The following TGFBR3 variants were observed in gnomAD, a reference collection of about 807,000 sequenced individuals.
The protein encoded by TGFBR3 is transforming growth factor beta receptor type 3.
In TGFBR3, 46 loss-of-function variants were observed where a neutral mutation model predicts 87.9. That is an observed-to-expected ratio of 0.52 (90% confidence interval 0.41 to 0.67). The LOEUF (loss-of-function observed/expected upper bound fraction) is 0.67. Among genes scored for constraint, TGFBR3 ranks in the 30% least tolerant of loss-of-function variants. The probability of loss-of-function intolerance (pLI) is 0.00; values close to 1 mark genes in which losing one functional copy is unlikely to be tolerated. For synonymous variants in TGFBR3, 381 were observed against 391.6 expected, an observed-to-expected ratio of 0.97 and a Z score of 0.32; for missense variants, 866 against 1,041.9, an observed-to-expected ratio of 0.83 and a Z score of 2.32.
At chr1:91,877,701 G>A (rs572267987) in intron 1 of TGFBR3, among the ~76,000 whole-genome samples, 1 of 152,280 alleles carries the variant, frequency 6.6e-6, no homozygotes, top group South Asian at 2.1e-4. Flanking sequence ...CCTAGCTCCT[G>A]TGTCAAAAAC....
At chr1:91,866,931 A>T (rs1023305788) in intron 1 of TGFBR3, 3 of 152,244 alleles carry the variant, frequency 2.0e-5, no homozygotes, top group African/African-American at 7.2e-5. Context: ...GATTTCCCTC[A>T]CGCTGTACAG....
chr1:91,767,003 G>C lies in TGFBR3; in HGVS notation c.247-8253C>G, dbSNP rs1321701457. ...AAACTCCAACCCCAAACTCCTGTGG[G>C]AGATGGATTTGAGTTTTCCCCCAGT... On this transcript the variant is annotated intron_variant, in intron 3 of 16. Coordinates refer to ENST00000212355, the MANE Select transcript of TGFBR3 (RefSeq NM_003243.5). Among the ~76,000 whole-genome samples the C allele has an allele frequency of 2.2e-5, 3 of 133,576 alleles. 1 individual carries two copies. The highest frequency in any genetic ancestry group is 8.5e-5 in the African/African-American group (3 of 35,482). The allele number at this position is 133,576 out of a possible 152,430, so 87.6% of individuals were successfully genotyped here.
rs55667079 is a variant in TGFBR3, at chr1:91,681,114, T to C, written c.*2625A>G. The stretch of plus-strand genomic sequence containing the variant: ...AAGACTGCAGATACAAGAGTTCAGC[T>C]GAAATACAACAATACTTTTAAAGAA... On this transcript the variant is annotated 3_prime_UTR_variant, in exon 17 of 17. Coordinates refer to ENST00000212355, the MANE Select transcript of TGFBR3 (RefSeq NM_003243.5). The C allele has an allele frequency of 5.9e-5, 27 of 454,138 alleles. No individual in the cohort carries two copies. Among genetic ancestry groups the C allele is most frequent in the Non-Finnish European group, 1.1e-4 (25 of 226,794 alleles). 28.1% of individuals were successfully genotyped at this position (454,138 alleles called of 1,614,324 possible). A position where few individuals can be genotyped will look rare whatever the true frequency, so the allele number is the denominator to read the frequency against.
intron 4 of TGFBR3, among the ~76,000 whole-genome samples, chr1:91,737,447 C>A (rs182197440): frequency 1.7e-4 from 26 of 152,290 alleles, no homozygotes; most frequent in Admixed American, 5.2e-4. Flanking sequence ...CTCAGAGAGT[C>A]TAATGGCCTA....
intron 3 of TGFBR3, among the ~76,000 whole-genome samples, chr1:91,779,021 G>A (rs1380021499): frequency 1.3e-5 from 2 of 152,140 alleles, no homozygotes; most frequent in African/African-American, 4.8e-5. Flanking sequence ...AGGACAGGAG[G>A]CAAGATGTCA....
At chr1:91,746,790 G>T (rs12121039) in intron 4 of TGFBR3, among the ~76,000 whole-genome samples, 1 of 151,876 alleles carries the variant, frequency 6.6e-6, no homozygotes, top group Non-Finnish European at 1.5e-5. Flanking sequence ...AATTGAAGCT[G>T]ACAGAAGCTA....
At chr1:91,706,524 G>T (rs887709954) in intron 14 of TGFBR3, among the ~76,000 whole-genome samples, 1 of 152,170 alleles carries the variant, frequency 6.6e-6, no homozygotes, top group African/African-American at 2.4e-5. Flanking sequence ...CTAAAAAGGG[G>T]AGGAACCCTA....
chr1:91,795,231 G>A (rs1675333847), intron 3 of TGFBR3, among the ~76,000 whole-genome samples: 1 of 152,214 alleles, frequency 6.6e-6, no homozygotes, highest in South Asian at 2.1e-4. Context: ...AGGTCCGTCT[G>A]TTGTCTATTC....
chr1:91,686,216 G>A (rs547698208), intron 16 of TGFBR3, among the ~76,000 whole-genome samples: 30 of 152,288 alleles, frequency 2.0e-4, no homozygotes, highest in African/African-American at 4.8e-4. Context: ...TCTGCTTTCC[G>A]ATGTCTATTT....
At chr1:91,771,356 G>A (rs1481419639) in intron 3 of TGFBR3, among the ~76,000 whole-genome samples, 1 of 152,138 alleles carries the variant, frequency 6.6e-6, no homozygotes. Flanking sequence ...ATGATTTCAT[G>A]TTTAGGAAGT....
At chr1:91,840,229 G>A (rs2101112627) in intron 2 of TGFBR3, among the ~76,000 whole-genome samples, 1 of 151,788 alleles carries the variant, frequency 6.6e-6, no homozygotes, top group East Asian at 1.9e-4. Flanking sequence ...GCCTGAGGCA[G>A]GAGAATCACT....
chr1:91,861,767 T>C (rs1285691239), intron 1 of TGFBR3, 123 bp from the exon 2 acceptor site: 2 of 540,992 alleles, frequency 3.7e-6, no homozygotes, highest in Non-Finnish European at 3.3e-6. Context: ...AGATGCAAAA[T>C]AGCACTCAAG....
chr1:91,709,107 T>C (rs1406706079), intron 13 of TGFBR3, among the ~76,000 whole-genome samples: 1 of 152,216 alleles, frequency 6.6e-6, no homozygotes, highest in Non-Finnish European at 1.5e-5. Flanking sequence ...CTAGTGTTGG[T>C]CCTCACCAAG....
At chr1:91,848,902 T>C (rs1212597656) in intron 2 of TGFBR3, among the ~76,000 whole-genome samples, 5 of 152,192 alleles carry the variant, frequency 3.3e-5, no homozygotes, top group Non-Finnish European at 7.3e-5. Context: ...TTTAGATGGT[T>C]TGGGGAGGTT....
intron 15 of TGFBR3, among the ~76,000 whole-genome samples, chr1:91,696,434 T>G (rs12141338): frequency 0.14 from 22,058 of 152,240 alleles, 1,791 homozygotes; most frequent in Non-Finnish European, 0.19. Context: ...TTTCCAACCA[T>G]GATCTTTCTA....
chr1:91,684,279 C>A (rs913059), intron 16 of TGFBR3, among the ~76,000 whole-genome samples: 115,892 of 152,132 alleles, frequency 0.76, 44,396 homozygotes, highest in East Asian at 0.99. Context: ...TGTGACCTTT[C>A]AATTGTAGTT....
intron 16 of TGFBR3, among the ~76,000 whole-genome samples, chr1:91,686,660 G>T (rs1032105396): frequency 2.0e-5 from 3 of 152,184 alleles, no homozygotes; most frequent in Non-Finnish European, 4.4e-5. Flanking sequence ...TCACCATGAG[G>T]AAGAAAGTTG....
chr1:91,683,626 C>G lies in TGFBR3; in HGVS notation c.*113G>C. On this transcript the variant is annotated 3_prime_UTR_variant, in exon 17 of 17. Coordinates refer to ENST00000212355, the MANE Select transcript of TGFBR3 (RefSeq NM_003243.5). ...AATTCACTCTGTCTTTACAAGGGAA[C>G]CAAAATCCAGCCCTCTGAGTCTGGA... 2 of 884,238 alleles carry G rather than the reference C, an allele frequency of 2.3e-6. No homozygotes were observed. Among genetic ancestry groups the G allele is most frequent in the Non-Finnish European group, 3.6e-6 (2 of 559,864 alleles). The allele number at this position is 884,238 out of a possible 1,614,324, so 54.8% of individuals were successfully genotyped here.
At chr1:91,772,847 G>A (rs1270773736) in intron 3 of TGFBR3, among the ~76,000 whole-genome samples, 2 of 152,214 alleles carry the variant, frequency 1.3e-5, no homozygotes, top group Middle Eastern at 3.4e-3. Flanking sequence ...GACAATTTTA[G>A]GTCAGAATCT....
Sources: allele counts gnomAD v4.1 joint callset (sites outside exome capture counted in the v4.1 genomes callset), GRCh38; gene constraint gnomAD v4.1.1; transcripts MANE v1.5; gene names NCBI Gene and HGNC (gene_info 2026-07-23, HGNC 2026-07-21).